The following FAF1 variants were observed in gnomAD, a reference collection of about 807,000 sequenced individuals.
FAF1 encodes Fas associated factor 1.
A neutral mutation model predicts 92.5 loss-of-function variants in FAF1; 25 were observed. The ratio of observed to expected loss-of-function variants is 0.27; its 90% CI spans 0.20 to 0.38. The LOEUF (loss-of-function observed/expected upper bound fraction) is 0.38. FAF1 is among the 10% of genes least tolerant of loss of function. The pLI is 1.00. For missense variants in FAF1, 636 were observed against 793.3 expected (o/e 0.80, Z 2.38); for synonymous variants, 234 against 273.2 (o/e 0.86, Z 1.42).
intron 17 of FAF1, among the ~76,000 whole-genome samples, chr1:50,482,974 C>T (rs1646720530): frequency 6.6e-6 from 1 of 152,054 alleles, no homozygotes; most frequent in Non-Finnish European, 1.5e-5. Context: ...GTACAAGTTT[C>T]TAATCTTGAT....
At chr1:50,626,490 G>C (rs184864944) in intron 8 of FAF1, among the ~76,000 whole-genome samples, 1 of 152,282 alleles carries the variant, frequency 6.6e-6, no homozygotes, top group East Asian at 1.9e-4. Context: ...AAGCCCCAAT[G>C]ATGGTACCTC....
At chr1:50,675,885 A>C (rs954122230) in intron 7 of FAF1, among the ~76,000 whole-genome samples, 4 of 152,246 alleles carry the variant, frequency 2.6e-5, no homozygotes, top group African/African-American at 9.6e-5. Context: ...CCATTTATTG[A>C]GTAGCAGAGG....
intron 4 of FAF1, chr1:50,780,842 C>T (rs1661149013): frequency 2.2e-6 from 1 of 448,044 alleles, no homozygotes. Context: ...ATAACGTGTC[C>T]TTGATGCATC....
At chr1:50,684,306 T>C (rs950370665) in intron 7 of FAF1, among the ~76,000 whole-genome samples, 4 of 143,022 alleles carry the variant, frequency 2.8e-5, no homozygotes, top group African/African-American at 1.0e-4. Flanking sequence ...AGAAAGAAAC[T>C]ACAGTCTATG....
Position 50,583,768 on chromosome 1 carries a change from A to C in FAF1, c.968-53T>G. 9.0e-7 allele frequency: 1 copy of C among 1,112,746 alleles called. No homozygotes were observed. The highest frequency in any genetic ancestry group is 1.3e-6 in the Non-Finnish European group (1 of 752,140). The allele number at this position is 1,112,746 out of a possible 1,614,324, so 68.9% of individuals were successfully genotyped here. A position where few individuals can be genotyped will look rare whatever the true frequency, so the allele number is the denominator to read the frequency against. ...AAACAAAAAAACAAAACAAATAGACACAAAAACAAACCACATAACATCTAA... is the reference window on the plus strand; with the variant it reads ...AAACAAAAAAACAAAACAAATAGACCCAAAAACAAACCACATAACATCTAA... On this transcript the variant is annotated intron_variant, in intron 10 of 18. Coordinates refer to ENST00000396153, the MANE Select transcript of FAF1 (RefSeq NM_007051.3). This position sits in a 1 kb window ranked among gnomAD's most constrained non-coding sequence, Gnocchi z 4.2.
chr1:50,857,285 G>C (rs1306521900), intron 2 of FAF1, among the ~76,000 whole-genome samples: 1 of 151,230 alleles, frequency 6.6e-6, no homozygotes, highest in Non-Finnish European at 1.5e-5. Context: ...TTGAAAATTA[G>C]CACTTCTTCA....
chr1:50,705,990 C>G, intron 6 of FAF1, 99 bp from the exon 7 acceptor site: 1 of 653,728 alleles, frequency 1.5e-6, no homozygotes, highest in Non-Finnish European at 2.7e-6. Context: ...CTAACCTCCA[C>G]ACAGGCATGT....
At chr1:50,745,953 T>C (rs1007592038) in intron 4 of FAF1, among the ~76,000 whole-genome samples, 7 of 151,990 alleles carry the variant, frequency 4.6e-5, no homozygotes, top group Non-Finnish European at 8.8e-5. Context: ...ATCAACTTGT[T>C]GTCAACAAAA....
At chr1:50,767,269 G>T (rs1371420746) in intron 4 of FAF1, among the ~76,000 whole-genome samples, 1 of 151,936 alleles carries the variant, frequency 6.6e-6, no homozygotes, top group Non-Finnish European at 1.5e-5. Context: ...AAATTAAAAA[G>T]ACTCAAAAAA....
At chr1:50,776,743 G>T (rs1157965121) in intron 4 of FAF1, among the ~76,000 whole-genome samples, 2 of 151,920 alleles carry the variant, frequency 1.3e-5, no homozygotes, top group Non-Finnish European at 2.9e-5. Context: ...CACTGAATTT[G>T]CCCCCTTGGA....
At position 50,819,637 on chromosome 1, in the gene FAF1, CTCACACACACA is replaced by C. The variant is rs1354606151; in HGVS notation, c.115-17971_115-17961del. On this transcript the variant is annotated intron_variant, in intron 2 of 18. Transcript: ENST00000396153. ...CAAGACTGACCGACTGACTGACTCA[CTCACACACACA>C]CACACACACACACACACACACTCTC... Among the ~76,000 whole-genome samples, 219 of 103,306 alleles carry C rather than the reference CTCACACACACA, an allele frequency of 2.1e-3. 4 individuals are homozygous for C. The highest frequency in any genetic ancestry group is 3.1e-3 in the Non-Finnish European group (165 of 53,938). The allele number at this position is 103,306 out of a possible 152,430, so 67.8% of individuals were successfully genotyped here. A position where few individuals can be genotyped will look rare whatever the true frequency, so the allele number is the denominator to read the frequency against.
At chr1:50,882,820 T>C (rs1203747990) in intron 1 of FAF1, among the ~76,000 whole-genome samples, 1 of 151,306 alleles carries the variant, frequency 6.6e-6, no homozygotes, top group East Asian at 1.9e-4. Flanking sequence ...ACCCCATCTC[T>C]ACTAAAAATA....
At chr1:50,651,260 A>C (rs534649949) in intron 8 of FAF1, among the ~76,000 whole-genome samples, 1 of 152,350 alleles carries the variant, frequency 6.6e-6, no homozygotes, top group East Asian at 1.9e-4. Flanking sequence ...AAAGTATTTT[A>C]ATCTAGTTAA....
intron 5 of FAF1, among the ~76,000 whole-genome samples, chr1:50,742,154 A>T (rs954901520): frequency 3.5e-4 from 43 of 122,712 alleles, no homozygotes; most frequent in South Asian, 1.2e-3. Flanking sequence ...ACAAAAATTT[A>T]AAAAAAAAAA....
intron 17 of FAF1, among the ~76,000 whole-genome samples, chr1:50,485,791 C>G (rs921997124): frequency 6.6e-6 from 1 of 150,960 alleles, no homozygotes; most frequent in African/African-American, 2.4e-5. Context: ...GACTGGGAGG[C>G]CTCAAGAAAT....
intron 18 of FAF1, among the ~76,000 whole-genome samples, chr1:50,448,745 A>G (rs1646258268): frequency 6.6e-6 from 1 of 152,222 alleles, no homozygotes; most frequent in Non-Finnish European, 1.5e-5. Context: ...TTCCGGTAAC[A>G]AAGGAGGTGA....
chr1:50,920,846 A>C (rs1644956728), intron 1 of FAF1, among the ~76,000 whole-genome samples: 1 of 152,212 alleles, frequency 6.6e-6, no homozygotes. Flanking sequence ...CCCTAAGATT[A>C]GGAAAAAGGT....
intron 18 of FAF1, among the ~76,000 whole-genome samples, chr1:50,454,943 C>T (rs1319116823): frequency 6.6e-6 from 1 of 152,234 alleles, no homozygotes; most frequent in Non-Finnish European, 1.5e-5. Flanking sequence ...TGCTGAAAGA[C>T]TGATCTACTG....
intron 13 of FAF1, among the ~76,000 whole-genome samples, chr1:50,555,416 A>G (rs1649528370): frequency 6.6e-6 from 1 of 152,212 alleles, no homozygotes; most frequent in Admixed American, 6.5e-5. Flanking sequence ...TCAGCCAGAA[A>G]AAAACAAATA....
Sources: gnomAD v4.1 joint callset for allele counts (sites outside exome capture counted in the v4.1 genomes callset) on GRCh38, gnomAD v4.1.1 for gene constraint, Gnocchi (gnomAD v3.1) non-coding constraint, MANE v1.5 for transcripts, NCBI Gene and HGNC (gene_info 2026-07-23, HGNC 2026-07-21) for gene names.